Variants in MAN2A1 observed in about 807,000 individuals in gnomAD.
MAN2A1 encodes alpha-mannosidase 2.
In MAN2A1, 76 loss-of-function variants were observed where a neutral mutation model predicts 142.6. That is an observed-to-expected ratio of 0.53 (90% CI 0.44 to 0.65). The LOEUF is 0.65. Ranked by LOEUF, MAN2A1 falls within the 30% of genes least tolerant of loss-of-function variation. MAN2A1 has a pLI of 0.00. For synonymous variants in MAN2A1, 559 were observed against 473.2 expected, an observed-to-expected ratio of 1.18 and a Z score of -2.35; for missense variants, 1,311 against 1,365.1, an observed-to-expected ratio of 0.96 and a Z score of 0.62.
intron 5 of MAN2A1, among the ~76,000 whole-genome samples, chr5:109,758,454 A>T (rs900357278): frequency 6.6e-6 from 1 of 151,296 alleles, no homozygotes; most frequent in Non-Finnish European, 1.5e-5. Flanking sequence ...TTACAAATTT[A>T]TTTTCTCATT....
chr5:109,705,966 T>C (rs886631661), intron 1 of MAN2A1, among the ~76,000 whole-genome samples: 1 of 152,250 alleles, frequency 6.6e-6, no homozygotes, highest in African/African-American at 2.4e-5. Context: ...TCTTCCCATC[T>C]GCAAAGCCTT....
intron 16 of MAN2A1, among the ~76,000 whole-genome samples, chr5:109,824,760 A>G (rs1359543967): frequency 6.6e-6 from 1 of 152,196 alleles, no homozygotes; most frequent in African/African-American, 2.4e-5. Flanking sequence ...AAGCAAAGGG[A>G]TACTATGTTC....
At chr5:109,832,874 C>T (rs1268169753) in intron 16 of MAN2A1, among the ~76,000 whole-genome samples, 7 of 143,910 alleles carry the variant, frequency 4.9e-5, no homozygotes, top group South Asian at 2.1e-4. Context: ...ACTTCCCAGA[C>T]GGGGCGGCTG....
intron 1 of MAN2A1, among the ~76,000 whole-genome samples, chr5:109,710,537 C>A (rs1751270198): frequency 1.3e-5 from 2 of 151,430 alleles, no homozygotes; most frequent in Non-Finnish European, 2.9e-5. Flanking sequence ...CGGAGTCTCG[C>A]TTTATCGCCT....
chr5:109,753,411 A>G (rs990169687), intron 4 of MAN2A1, among the ~76,000 whole-genome samples: 1 of 152,188 alleles, frequency 6.6e-6, no homozygotes, highest in Non-Finnish European at 1.5e-5. Context: ...CAGCTTCTTC[A>G]TTGTAGATTC....
At chr5:109,789,607 G>C (rs974606475) in intron 12 of MAN2A1, 80 bp downstream of exon 12, 2 of 934,258 alleles carry the variant, frequency 2.1e-6, no homozygotes, top group Non-Finnish European at 3.1e-6. Flanking sequence ...TTTTTAGTTA[G>C]CGTATATTTT....
chr5:109,845,760 A>C (rs1755328689), intron 17 of MAN2A1, 105 bp from the exon 18 acceptor site: 20 of 767,694 alleles, frequency 2.6e-5, no homozygotes, highest in Non-Finnish European at 3.4e-5. Flanking sequence ...AATAAAAAGG[A>C]AGCTTTGTCT....
chr5:109,744,655 A>G (rs879536935), intron 4 of MAN2A1, among the ~76,000 whole-genome samples: 3 of 152,190 alleles, frequency 2.0e-5, no homozygotes, highest in African/African-American at 4.8e-5. Flanking sequence ...AGAAACTCAT[A>G]TGTTGCGGGT....
At position 109,715,125 on chromosome 5, in the gene MAN2A1, A is replaced by T. The variant is rs554182508; in HGVS notation, c.391-995A>T. 3.0e-4 allele frequency among the ~76,000 whole-genome samples: 46 copies of T among 152,210 alleles called. 1 individual carries two copies. In the South Asian group the frequency reaches 9.5e-3, roughly 32 times the overall value. ...GGAGAGCTGCAGGACTGAAGGAAGA[A>T]ACAGACACTGCTAACACATCCTCCT... On this transcript the variant is annotated intron_variant, in intron 2 of 21. Transcript: ENST00000261483.
intron 1 of MAN2A1, among the ~76,000 whole-genome samples, chr5:109,699,988 T>G (rs1444240745): frequency 6.6e-6 from 1 of 152,244 alleles, no homozygotes; most frequent in Admixed American, 6.5e-5. Context: ...CTGTGCCACT[T>G]GAAGGAAATA....
chr5:109,781,425 T>G lies in MAN2A1; in HGVS notation c.1404T>G (p.Phe468Leu). The change falls in exon 9 of 22, where the codon TTT (phenylalanine) becomes TTG (leucine). Residue 468 changes from phenylalanine (F) to leucine (L), a missense_variant. Phe to Leu is a conservative substitution (Grantham distance 22). This residue lies in a region of MAN2A1 where 890 missense variants were observed against 920.5 expected (regional missense o/e 0.97). Transcript: ENST00000261483. ...AGTTTGGAACTTTATCAGATTTTTTTGATGCGCTGGATAAAGCAGATGAAA... is the reference window on the plus strand; with the variant it reads ...AGTTTGGAACTTTATCAGATTTTTTGGATGCGCTGGATAAAGCAGATGAAA... ...KIQFGTLSDF[F>L]DALDKADETQ... is the part of the protein sequence containing the mutation. 6.2e-7 allele frequency: 1 copy of G among 1,605,170 alleles called. No individual in the cohort carries two copies. Among genetic ancestry groups the G allele is most frequent in the South Asian group, 1.1e-5 (1 of 88,398 alleles).
At chr5:109,765,973 A>G (rs1314946391) in intron 5 of MAN2A1, among the ~76,000 whole-genome samples, 3 of 151,936 alleles carry the variant, frequency 2.0e-5, no homozygotes, top group African/African-American at 7.3e-5. Context: ...TTCTTTGTAA[A>G]ATGATTGGTA....
chr5:109,736,461 G>A (rs1752100763), intron 4 of MAN2A1, among the ~76,000 whole-genome samples: 1 of 152,122 alleles, frequency 6.6e-6, no homozygotes, highest in South Asian at 2.1e-4. Context: ...AGGCTATAGT[G>A]AGCTGTGATC....
chr5:109,830,926 CA>C (rs1309998333), intron 16 of MAN2A1, among the ~76,000 whole-genome samples: 1 of 152,208 alleles, frequency 6.6e-6, no homozygotes, highest in Non-Finnish European at 1.5e-5. Flanking sequence ...TGTTTGAGAG[CA>C]GCTGATTGTT....
chr5:109,733,442 A>G (rs191600242), intron 4 of MAN2A1, among the ~76,000 whole-genome samples: 4 of 152,144 alleles, frequency 2.6e-5, no homozygotes, highest in East Asian at 3.9e-4. Flanking sequence ...TCTTGTGCCC[A>G]TTTTCAAAGG....
At chr5:109,749,478 C>T (rs1242252715) in intron 4 of MAN2A1, among the ~76,000 whole-genome samples, 2 of 152,080 alleles carry the variant, frequency 1.3e-5, no homozygotes, top group Non-Finnish European at 2.9e-5. Flanking sequence ...AGTTACAAGT[C>T]AACTCAGTGT....
At chr5:109,859,199 C>A (rs1019578055) in intron 20 of MAN2A1, among the ~76,000 whole-genome samples, 1 of 152,158 alleles carries the variant, frequency 6.6e-6, no homozygotes, top group Non-Finnish European at 1.5e-5. Flanking sequence ...CGTTCTGAAT[C>A]TCAGTGCTGT....
In MAN2A1 at chr5:109,811,573, CGTGTGTGT is replaced by C. The variant is rs70999943; in HGVS notation, c.1944-5673_1944-5666del. 2.4e-3 allele frequency among the ~76,000 whole-genome samples: 355 copies of C among 144,968 alleles called. 1 individual carries two copies. The highest frequency in any genetic ancestry group is 7.9e-3 in the African/African-American group (311 of 39,194). On this transcript the variant is annotated intron_variant, in intron 12 of 21. Transcript: ENST00000261483. ...GAAGATTGTTAATCTTCCTAACAGC[CGTGTGTGT>C]GTGTGTGTGTGTGTGTGTGTGTGTG...
At chr5:109,747,032 A>T (rs78563277) in intron 4 of MAN2A1, among the ~76,000 whole-genome samples, 1 of 152,150 alleles carries the variant, frequency 6.6e-6, no homozygotes, top group Non-Finnish European at 1.5e-5. Flanking sequence ...AACCTAATAC[A>T]TACCACAGCT....
Sources: gnomAD v4.1 joint callset for allele counts (sites outside exome capture counted in the v4.1 genomes callset) on GRCh38, gnomAD v4.1.1 for gene constraint, gnomAD v4.1.1 regional missense constraint, MANE v1.5 for transcripts, NCBI Gene and HGNC (gene_info 2026-07-23, HGNC 2026-07-21) for gene names.